The following RORB variants were observed in gnomAD, a reference collection of about 807,000 sequenced individuals.
The protein encoded by RORB is RAR related orphan receptor B.
In RORB, 6 loss-of-function variants were observed where a neutral mutation model predicts 59.1. The observed-to-expected ratio is 0.10, with a 90% CI of 0.06 to 0.20. The LOEUF is 0.20. RORB is among the 10% of genes least tolerant of loss of function. The pLI is 1.00. For synonymous variants in RORB, 215 were observed against 204.5 expected (o/e 1.05, Z -0.44); for missense variants, 320 against 560.5 (o/e 0.57, Z 4.33).
chr9:74,529,175 C>A (rs969329289), intron 1 of RORB, among the ~76,000 whole-genome samples: 2 of 151,796 alleles, frequency 1.3e-5, no homozygotes, highest in African/African-American at 4.8e-5. Flanking sequence ...ATGATAATAT[C>A]TAATTTTCTT....
At chr9:74,591,679 T>A (rs1399393146) in intron 1 of RORB, among the ~76,000 whole-genome samples, 1 of 152,172 alleles carries the variant, frequency 6.6e-6, no homozygotes, top group Non-Finnish European at 1.5e-5. Context: ...ATAAAACATG[T>A]TTTTCTTAAA....
intron 4 of RORB, among the ~76,000 whole-genome samples, chr9:74,646,447 T>C (rs1159565817): frequency 1.3e-5 from 2 of 152,190 alleles, no homozygotes; most frequent in Admixed American, 1.3e-4. Context: ...AAAACAAACT[T>C]GTCTTGCTGA....
intron 9 of RORB, among the ~76,000 whole-genome samples, chr9:74,679,452 T>C (rs1441583241): frequency 6.6e-6 from 1 of 152,288 alleles, no homozygotes. Context: ...TTTAAACTAA[T>C]GCAAGAATAG....
intron 9 of RORB, among the ~76,000 whole-genome samples, chr9:74,675,657 A>C (rs547971017): frequency 6.6e-6 from 1 of 152,338 alleles, no homozygotes; most frequent in African/African-American, 2.4e-5. Flanking sequence ...ATGGTCATTT[A>C]GTTGAGGACG....
chr9:74,542,578 A>G (rs549407275), intron 1 of RORB, among the ~76,000 whole-genome samples: 1 of 152,188 alleles, frequency 6.6e-6, no homozygotes, highest in Non-Finnish European at 1.5e-5. Flanking sequence ...ATAGGGAGAG[A>G]AAATGAGAGG....
At chr9:74,582,644 T>C (rs572309605) in intron 1 of RORB, among the ~76,000 whole-genome samples, 23 of 152,286 alleles carry the variant, frequency 1.5e-4, no homozygotes, top group Non-Finnish European at 3.1e-4. Context: ...TGAGTCTGCA[T>C]TCTTGCTTAG....
intron 1 of RORB, among the ~76,000 whole-genome samples, chr9:74,546,407 G>T (rs1826491227): frequency 6.6e-6 from 1 of 152,066 alleles, no homozygotes; most frequent in Non-Finnish European, 1.5e-5. Flanking sequence ...GGCAGAAAGA[G>T]GAAGAGGTGC....
At chr9:74,537,037 C>A (rs566858252) in intron 1 of RORB, among the ~76,000 whole-genome samples, 3 of 152,070 alleles carry the variant, frequency 2.0e-5, no homozygotes, top group South Asian at 2.1e-4. Flanking sequence ...AGTTATAAGA[C>A]CCATTTTACA....
chr9:74,532,033 G>A (rs965072820), intron 1 of RORB, among the ~76,000 whole-genome samples: 2 of 151,868 alleles, frequency 1.3e-5, no homozygotes, highest in African/African-American at 2.4e-5. Context: ...CACTGTCACT[G>A]TGAATAAAAA....
chr9:74,592,659 A>G (rs1411107743), intron 1 of RORB, among the ~76,000 whole-genome samples: 1 of 152,216 alleles, frequency 6.6e-6, no homozygotes, highest in Non-Finnish European at 1.5e-5. Context: ...GACTCTATCA[A>G]GAACATTCCA....
intron 1 of RORB, among the ~76,000 whole-genome samples, chr9:74,539,769 C>T (rs555945565): frequency 6.6e-6 from 1 of 151,478 alleles, no homozygotes; most frequent in South Asian, 2.1e-4. Context: ...ACTATGAATT[C>T]CATGTGAAGG....
intron 1 of RORB, among the ~76,000 whole-genome samples, chr9:74,593,640 C>T (rs1822933057): frequency 6.6e-6 from 1 of 152,078 alleles, no homozygotes; most frequent in Non-Finnish European, 1.5e-5. Flanking sequence ...TTCCAGCAAG[C>T]TTGGTTATCT....
At chr9:74,660,806 C>G in intron 5 of RORB, 68 bp downstream of exon 5, 2 of 1,503,626 alleles carry the variant, frequency 1.3e-6, no homozygotes, top group Non-Finnish European at 9.0e-7. Flanking sequence ...AAGCTCAGCA[C>G]TATTGGCATG....
rs537504573 is a variant in RORB, at chr9:74,653,030, A to G, written c.638-7587A>G. Among the ~76,000 whole-genome samples, 322 of 152,338 alleles carry G rather than the reference A, an allele frequency of 2.1e-3. 1 individual carries two copies. Among genetic ancestry groups the G allele is most frequent in the African/African-American group, 7.1e-3 (295 of 41,578 alleles). ...TTAGAAAAATCAGAAAGGTCTTTAAATGACATTGTCTTTTCTGACATTGCC... is the reference window on the plus strand; with the variant it reads ...TTAGAAAAATCAGAAAGGTCTTTAAGTGACATTGTCTTTTCTGACATTGCC... On this transcript the variant is annotated intron_variant, in intron 4 of 9. Coordinates refer to ENST00000376896, the MANE Select transcript of RORB (RefSeq NM_006914.4).
At chr9:74,550,758 A>C (rs944899248) in intron 1 of RORB, among the ~76,000 whole-genome samples, 4 of 152,198 alleles carry the variant, frequency 2.6e-5, no homozygotes, top group African/African-American at 9.7e-5. Context: ...CAAAGAATAA[A>C]TATCTGCTGG....
intron 9 of RORB, among the ~76,000 whole-genome samples, chr9:74,677,244 C>T (rs1016373357): frequency 4.6e-5 from 7 of 152,132 alleles, no homozygotes; most frequent in Non-Finnish European, 8.8e-5. Flanking sequence ...CTCAGGAAGA[C>T]GAGAAAGGGA....
chr9:74,509,162 C>A (rs760319750), intron 1 of RORB, among the ~76,000 whole-genome samples: 1 of 151,968 alleles, frequency 6.6e-6, no homozygotes, highest in Non-Finnish European at 1.5e-5. Flanking sequence ...CTCTCCACAG[C>A]TTTCACTCCC....
At chr9:74,676,501 G>A (rs903090729) in intron 9 of RORB, among the ~76,000 whole-genome samples, 6 of 152,210 alleles carry the variant, frequency 3.9e-5, no homozygotes, top group South Asian at 4.1e-4. Context: ...AACACTCAGC[G>A]AGTACCATGC....
rs753124521 is a variant in RORB, at chr9:74,685,489, G to T, written c.1251G>T (p.Thr417=). Residue 417 remains threonine (T), a synonymous_variant, in exon 10 of 10, where the codon ACG becomes ACT. Coordinates refer to ENST00000376896, the MANE Select transcript of RORB (RefSeq NM_006914.4). ...TAATAGCCAAGATACCAACCATCAC[G>T]GCAGTTTGCAACTTGCACGGGGAGA... ...AKLIAKIPTI[T]AVCNLHGEKL... is the part of the protein sequence containing the mutation. The T allele has an allele frequency of 2.5e-6, 4 of 1,612,020 alleles. No homozygotes were observed. The Admixed American group carries it at 5.0e-5, about 20-fold the overall frequency.
Sources: allele counts gnomAD v4.1 joint callset (sites outside exome capture counted in the v4.1 genomes callset), GRCh38; gene constraint gnomAD v4.1.1; transcripts MANE v1.5; gene names NCBI Gene and HGNC (gene_info 2026-07-23, HGNC 2026-07-21).